PUDP: variants seen among roughly 807,000 people sequenced by gnomAD.
The protein encoded by PUDP is pseudouridine 5'-phosphatase, also known as pseudouridine-5'-phosphatase.
In PUDP, 8 loss-of-function variants were observed where a neutral mutation model predicts 9.4. That is an observed-to-expected ratio of 0.85 (90% CI 0.50 to 1.53). PUDP has a LOEUF of 1.53. Ranked by LOEUF, PUDP falls within the 40% of genes most tolerant of loss-of-function variation. The pLI, the probability that PUDP is intolerant of heterozygous loss-of-function variation, is 0.00. For missense variants in PUDP, 188 were observed against 189.7 expected, an observed-to-expected ratio of 0.99 and a Z score of 0.05; for synonymous variants, 99 against 80.7, an observed-to-expected ratio of 1.23 and a Z score of -1.22.
chrX:6,741,625 GTAGA>G (rs1924937129), intron 3 of PUDP, among the ~76,000 whole-genome samples: 1 of 110,842 alleles, frequency 9.0e-6, no homozygotes, highest in African/African-American at 3.3e-5. Context: ...AGGTAGGTAG[GTAGA>G]TAGGGAGGGA....
chrX:6,861,225 G>A (rs1020431347), intron 3 of PUDP, among the ~76,000 whole-genome samples: 4 of 111,749 alleles, frequency 3.6e-5, no homozygotes, highest in African/African-American at 6.5e-5. Flanking sequence ...CTGCCCCCAG[G>A]AGGTTTAGGC....
intron 3 of PUDP, among the ~76,000 whole-genome samples, chrX:6,778,379 C>G (rs1017843420): frequency 8.9e-6 from 1 of 112,557 alleles, no homozygotes; most frequent in South Asian, 3.7e-4. Context: ...ACCAGGATGA[C>G]GAGGCATGCA....
At chrX:6,960,736 T>G (rs1300492891) in intron 3 of PUDP, among the ~76,000 whole-genome samples, 1 of 111,560 alleles carries the variant, frequency 9.0e-6, no homozygotes, top group African/African-American at 3.3e-5. Flanking sequence ...AAATGAAACA[T>G]CAGGTCATGC....
chrX:7,140,216 T>G lies in PUDP; in HGVS notation c.61+7837A>C, dbSNP rs989715330. Among the ~76,000 whole-genome samples, 7 of 112,369 alleles carry G rather than the reference T, an allele frequency of 6.2e-5. No individual in the cohort carries two copies. In the South Asian group the frequency reaches 2.6e-3, roughly 41 times the overall value. ...AACTGCAAATATCTGCAACACAAAA[T>G]CAAGGTTGCCCCCTTCCACCATTTT... is the stretch of plus-strand genomic sequence containing the variant. On this transcript the variant is annotated intron_variant, in intron 1 of 3. Transcript: ENST00000381077.
At chrX:6,957,527 A>C (rs1167935224) in intron 3 of PUDP, among the ~76,000 whole-genome samples, 1 of 111,979 alleles carries the variant, frequency 8.9e-6, no homozygotes, top group Admixed American at 9.5e-5. Flanking sequence ...CCCAGCCTCC[A>C]GAATTGTGAG....
chrX:7,025,452 C>T (rs1929695716), intron 1 of PUDP, among the ~76,000 whole-genome samples: 3 of 112,210 alleles, frequency 2.7e-5, no homozygotes, highest in Admixed American at 9.4e-5. Flanking sequence ...GAACAAAATT[C>T]AGATGTAGCA....
At chrX:6,778,609 G>C (rs940684957) in intron 3 of PUDP, among the ~76,000 whole-genome samples, 5 of 112,575 alleles carry the variant, frequency 4.4e-5, no homozygotes, top group African/African-American at 1.6e-4. Context: ...GGAGCAGAGA[G>C]TGAATAATCA....
intron 3 of PUDP, among the ~76,000 whole-genome samples, chrX:6,900,328 G>C (rs763853764): frequency 6.3e-5 from 4 of 63,143 alleles, no homozygotes; most frequent in South Asian, 7.2e-4. Context: ...TCACCACTTG[G>C]GGGGGGGGGC....
At chrX:6,765,420 A>C (rs1160689486) in intron 3 of PUDP, among the ~76,000 whole-genome samples, 2 of 112,516 alleles carry the variant, frequency 1.8e-5, no homozygotes, top group Non-Finnish European at 3.7e-5. Flanking sequence ...CTTGAAACTG[A>C]GCAATATAAA....
At chrX:6,981,853 C>T (rs1929037145) in intron 1 of PUDP, among the ~76,000 whole-genome samples, 1 of 110,649 alleles carries the variant, frequency 9.0e-6, no homozygotes, top group South Asian at 3.8e-4. Flanking sequence ...ATTCATTTTA[C>T]AAGAGTTTGG....
intron 1 of PUDP, among the ~76,000 whole-genome samples, chrX:7,012,006 A>ATAGAAGT (rs1929483907): frequency 8.9e-6 from 1 of 112,671 alleles, no homozygotes; most frequent in Admixed American, 9.4e-5. Context: ...CAGTTGGAGA[A>ATAGAAGT]TAGAAGTGTG....
chrX:6,919,858 C>CAAAAAAAAAAAAAAAAAAAA (rs58441346), intron 3 of PUDP, among the ~76,000 whole-genome samples: 6 of 26,501 alleles, frequency 2.3e-4, no homozygotes, highest in African/African-American at 4.5e-4. Flanking sequence ...GACTCCATCT[C>CAAAAAAAAAAAAAAAAAAAA]AAAAAAAAAA....
rs190127434 is a variant in PUDP, at chrX:7,008,422, C to T, written c.205-30079G>A. 1.4e-3 allele frequency among the ~76,000 whole-genome samples: 158 copies of T among 110,920 alleles called. 1 individual carries two copies. The highest frequency in any genetic ancestry group is 5.0e-3 in the African/African-American group (151 of 30,382). On this transcript the variant is annotated intron_variant and NMD_transcript_variant, in intron 1 of 3. Coordinates refer to the PUDP transcript ENST00000655425. ...GCATGATCTTTGCACAACACATAAA[C>T]GCCCAGGAACAGGTGGTGCTCTTCG...
intron 3 of PUDP, among the ~76,000 whole-genome samples, chrX:6,933,497 T>C (rs1003633713): frequency 9.2e-6 from 1 of 109,105 alleles, no homozygotes; most frequent in African/African-American, 3.3e-5. Context: ...ATCACCATCA[T>C]CAAAGACCAA....
chrX:6,959,286 C>A (rs1928673881), intron 3 of PUDP, among the ~76,000 whole-genome samples: 1 of 111,052 alleles, frequency 9.0e-6, no homozygotes, highest in Non-Finnish European at 1.9e-5. Flanking sequence ...AAAGAGAGGC[C>A]CATGGTGCCC....
chrX:6,863,387 A>G (rs964821865), intron 3 of PUDP, among the ~76,000 whole-genome samples: 6 of 112,387 alleles, frequency 5.3e-5, no homozygotes, highest in Non-Finnish European at 9.4e-5. Context: ...TTTACTGGAG[A>G]TATCAGATTG....
At chrX:6,737,740 C>G (rs1338027665) in intron 3 of PUDP, among the ~76,000 whole-genome samples, 5 of 111,128 alleles carry the variant, frequency 4.5e-5, no homozygotes, top group Non-Finnish European at 9.4e-5. Flanking sequence ...CTGGTCTCTG[C>G]CCAAAAATGC....
At chrX:6,764,563 T>C (rs1925262128) in intron 3 of PUDP, among the ~76,000 whole-genome samples, 2 of 112,149 alleles carry the variant, frequency 1.8e-5, no homozygotes, top group African/African-American at 6.5e-5. Context: ...TATGTATGGC[T>C]TGCATGTCAG....
rs143780419 is a variant in PUDP at position 6,752,745 on chromosome X, G to C, written c.*248-46279C>G. Among the ~76,000 whole-genome samples the C allele has an allele frequency of 4.2e-3, 464 of 110,926 alleles. 3 individuals are homozygous for C. The highest frequency in any genetic ancestry group is 0.014 in the African/African-American group (435 of 30,563). On this transcript the variant is annotated intron_variant and NMD_transcript_variant, in intron 3 of 3. Coordinates refer to the PUDP transcript ENST00000655425. Reference sequence around the variant, plus strand: ...CTGGATGATCATGGTGCCATTTACTGAGATAAGAAACTGAAGGAGAAACTA... The same window carrying C: ...CTGGATGATCATGGTGCCATTTACTCAGATAAGAAACTGAAGGAGAAACTA...
Sources: allele counts gnomAD v4.1 joint callset (sites outside exome capture counted in the v4.1 genomes callset), GRCh38; gene constraint gnomAD v4.1.1; transcripts MANE v1.5; gene names NCBI Gene and HGNC (gene_info 2026-07-23, HGNC 2026-07-21).